Variants in NBEA observed in about 807,000 individuals in gnomAD.
The protein encoded by NBEA is lysosomal-trafficking regulator 2.
NBEA carries 44 observed loss-of-function variants against 343.4 expected under a neutral mutation model. The ratio of observed to expected loss-of-function variants is 0.13; its 90% CI spans 0.10 to 0.16. The LOEUF is 0.16. Among genes scored for constraint, NBEA ranks in the 10% least tolerant of loss-of-function variants. The probability of loss-of-function intolerance (pLI) is 1.00; values close to 1 mark genes in which losing one functional copy is unlikely to be tolerated. For missense variants in NBEA, 2,555 were observed against 3,631.3 expected (o/e 0.70, Z 7.62); for synonymous variants, 1,175 against 1,238.7 (o/e 0.95, Z 1.08).
intron 41 of NBEA, 136 bp downstream of exon 41, chr13:35,472,672 A>G: frequency 1.2e-6 from 1 of 833,786 alleles, no homozygotes; most frequent in Non-Finnish European, 1.9e-6. Context: ...AATGAATGAA[A>G]TAGCATGTTC....
intron 17 of NBEA, among the ~76,000 whole-genome samples, chr13:35,135,678 T>C (rs2067679993): frequency 6.6e-6 from 1 of 152,050 alleles, no homozygotes; most frequent in East Asian, 1.9e-4. Context: ...GAGTATTTAT[T>C]GTAATAAGTC....
At chr13:35,405,703 T>C (rs1483082177) in intron 38 of NBEA, among the ~76,000 whole-genome samples, 3 of 152,152 alleles carry the variant, frequency 2.0e-5, no homozygotes, top group Admixed American at 2.0e-4. Flanking sequence ...GTAAGTCCTT[T>C]TCTGTGGGAT....
chr13:35,598,283 G>A (rs1049103183), intron 47 of NBEA, among the ~76,000 whole-genome samples: 1 of 152,176 alleles, frequency 6.6e-6, no homozygotes, highest in Admixed American at 6.5e-5. Flanking sequence ...GTTCTGAAAC[G>A]CAGCCAGGAA....
intron 18 of NBEA, among the ~76,000 whole-genome samples, chr13:35,143,736 G>C (rs1313554320): frequency 6.6e-6 from 1 of 151,992 alleles, no homozygotes; most frequent in Non-Finnish European, 1.5e-5. Flanking sequence ...CTATAATTTT[G>C]AATTAACCTG....
At chr13:35,351,614 C>T (rs778695888) in intron 37 of NBEA, among the ~76,000 whole-genome samples, 1 of 151,892 alleles carries the variant, frequency 6.6e-6, no homozygotes, top group Non-Finnish European at 1.5e-5. Flanking sequence ...CTTGTCTCAG[C>T]TCCTCATTTA....
intron 1 of NBEA, among the ~76,000 whole-genome samples, chr13:35,007,204 A>C (rs2061347421): frequency 6.6e-6 from 1 of 151,796 alleles, no homozygotes; most frequent in South Asian, 2.1e-4. Context: ...CTGCTTCTTT[A>C]TTTCTTTCTC....
intron 11 of NBEA, among the ~76,000 whole-genome samples, chr13:35,106,724 A>C (rs1377162801): frequency 6.6e-6 from 1 of 151,930 alleles, no homozygotes; most frequent in Non-Finnish European, 1.5e-5. Context: ...CAAATCTGCT[A>C]CCCAACAGCA....
At chr13:35,095,152 G>A (rs1412238658) in intron 10 of NBEA, among the ~76,000 whole-genome samples, 1 of 151,158 alleles carries the variant, frequency 6.6e-6, no homozygotes, top group Non-Finnish European at 1.5e-5. Flanking sequence ...ATGATATATT[G>A]AATTCTAAAT....
chr13:35,129,083 A>G (rs1374723580), intron 17 of NBEA, among the ~76,000 whole-genome samples: 1 of 120,262 alleles, frequency 8.3e-6, no homozygotes. Context: ...GGGGGGAGGG[A>G]TAGCATTAGG....
chr13:35,358,287 G>A (rs1269626891), intron 38 of NBEA, among the ~76,000 whole-genome samples: 1 of 150,280 alleles, frequency 6.7e-6, no homozygotes, highest in South Asian at 2.1e-4. Context: ...ACCTCCCACA[G>A]TACTGGGGTT....
intron 45 of NBEA, among the ~76,000 whole-genome samples, chr13:35,572,713 T>TTTGTTGTTG (rs151081649): frequency 2.7e-5 from 4 of 150,360 alleles, no homozygotes; most frequent in African/African-American, 7.3e-5. Flanking sequence ...GCAAGTTGGG[T>TTTGTTGTTG]TTGTTGTTGT....
chr13:35,527,296 C>T (rs2078025332), intron 41 of NBEA, among the ~76,000 whole-genome samples: 1 of 152,098 alleles, frequency 6.6e-6, no homozygotes, highest in African/African-American at 2.4e-5. Context: ...TGAAGTCTTC[C>T]CTCTGGGTTG....
intron 41 of NBEA, among the ~76,000 whole-genome samples, chr13:35,536,646 TGATA>T (rs79061692): frequency 2.1e-3 from 209 of 99,400 alleles, no homozygotes; most frequent in African/African-American, 0.011. Flanking sequence ...AATAGATAGA[TGATA>T]GATAGATAGA....
intron 45 of NBEA, among the ~76,000 whole-genome samples, chr13:35,575,906 C>T (rs184976288): frequency 6.6e-5 from 10 of 152,148 alleles, no homozygotes; most frequent in Admixed American, 5.9e-4. Context: ...ATGATATTGA[C>T]TCATTTAAGA....
chr13:35,339,259 T>C (rs1445066810), intron 36 of NBEA, among the ~76,000 whole-genome samples: 1 of 143,510 alleles, frequency 7.0e-6, no homozygotes, highest in Non-Finnish European at 1.5e-5. Context: ...TTAAAGAAAC[T>C]ACCAAAAAAA....
rs1370473588 is a variant in NBEA, at chr13:34,984,921, G to A, written c.294+41807G>A. Among the ~76,000 whole-genome samples, 4 of 151,128 alleles carry A rather than the reference G, an allele frequency of 2.6e-5. No homozygotes were observed. In the East Asian group the frequency reaches 7.7e-4, roughly 29 times the overall value. On this transcript the variant is annotated intron_variant, in intron 1 of 58. Coordinates refer to ENST00000379939, the MANE Select transcript of NBEA (RefSeq NM_001385012.1). ...GAGACTTTGCTGAAGTTGCTTATCA[G>A]CTTAAGGAGATTTTGGGCTGAGATG...
rs572989960 is a variant in NBEA at position 35,596,863 on chromosome 13, C to CTTGTGGAA, written c.7296+3419_7296+3426dup. On this transcript the variant is annotated intron_variant, in intron 47 of 58. Transcript: ENST00000379939. ...CTGACTCATTGACCCATTATGAGCT[C>CTTGTGGAA]TTGTGGAATTAATGAATGCCAGGGC... Among the ~76,000 whole-genome samples the CTTGTGGAA allele has an allele frequency of 2.3e-3, 351 of 150,296 alleles. 1 individual carries two copies. The highest frequency in any genetic ancestry group is 7.9e-3 in the African/African-American group (325 of 40,890).
intron 41 of NBEA, among the ~76,000 whole-genome samples, chr13:35,529,764 G>A (rs2078166332): frequency 6.6e-6 from 1 of 152,072 alleles, no homozygotes; most frequent in African/African-American, 2.4e-5. Flanking sequence ...TCCTCAGTGG[G>A]TTGTATTTAT....
At chr13:35,331,476 T>C (rs2038923677) in intron 36 of NBEA, among the ~76,000 whole-genome samples, 1 of 152,032 alleles carries the variant, frequency 6.6e-6, no homozygotes, top group African/African-American at 2.4e-5. Flanking sequence ...AAACTAGTTC[T>C]CCCTTTTGTT....
Sources: gnomAD v4.1 joint callset for allele counts (sites outside exome capture counted in the v4.1 genomes callset) on GRCh38, gnomAD v4.1.1 for gene constraint, MANE v1.5 for transcripts, NCBI Gene and HGNC (gene_info 2026-07-23, HGNC 2026-07-21) for gene names.